PRKCA: variants seen among roughly 807,000 people sequenced by gnomAD.
The protein encoded by PRKCA is protein kinase C alpha type.
Under a neutral mutation model 87.0 loss-of-function variants are expected in PRKCA, and 27 were observed. The ratio of observed to expected loss-of-function variants is 0.31; its 90% CI spans 0.23 to 0.43. The LOEUF (loss-of-function observed/expected upper bound fraction) is 0.43, where lower values mean the gene tolerates loss of function less well. Ranked by LOEUF, PRKCA falls within the 20% of genes least tolerant of loss-of-function variation. The pLI is 1.00. For missense variants in PRKCA, 518 were observed against 852.3 expected (o/e 0.61, Z 4.88); for synonymous variants, 329 against 311.1 (o/e 1.06, Z -0.61).
At chr17:66,764,800 G>A (rs1045436085) in intron 13 of PRKCA, among the ~76,000 whole-genome samples, 1 of 152,182 alleles carries the variant, frequency 6.6e-6, no homozygotes, top group Non-Finnish European at 1.5e-5. Flanking sequence ...GGGGCTTCAG[G>A]ATATCAGGCA....
At chr17:66,683,878 T>C (rs1447790650) in intron 5 of PRKCA, among the ~76,000 whole-genome samples, 2 of 152,086 alleles carry the variant, frequency 1.3e-5, no homozygotes, top group African/African-American at 4.8e-5. Flanking sequence ...GGGATTTGAC[T>C]CCACATCTTG....
intron 3 of PRKCA, among the ~76,000 whole-genome samples, chr17:66,499,106 C>T (rs1183681063): frequency 2.6e-5 from 4 of 151,852 alleles, no homozygotes. Context: ...GCAGGTGTGG[C>T]AGTCAGAAGT....
chr17:66,618,770 G>T (rs1186305657), intron 3 of PRKCA, among the ~76,000 whole-genome samples: 1 of 152,170 alleles, frequency 6.6e-6, no homozygotes, highest in Non-Finnish European at 1.5e-5. Flanking sequence ...GCAGGGTTAG[G>T]CTGGGAACAT....
intron 3 of PRKCA, among the ~76,000 whole-genome samples, chr17:66,527,039 G>C: frequency 6.6e-6 from 1 of 152,190 alleles, no homozygotes; most frequent in East Asian, 1.9e-4. Context: ...GTGTGCAGCT[G>C]CTCAGCCCTG....
intron 16 of PRKCA, among the ~76,000 whole-genome samples, chr17:66,795,077 G>A (rs779486282): frequency 2.0e-4 from 31 of 152,134 alleles, no homozygotes; most frequent in Non-Finnish European, 2.8e-4. Flanking sequence ...CCATTTGAGA[G>A]TAAGTTGCAG....
At chr17:66,615,756 AC>A (rs1204840441) in intron 3 of PRKCA, among the ~76,000 whole-genome samples, 1 of 151,898 alleles carries the variant, frequency 6.6e-6, no homozygotes, top group Non-Finnish European at 1.5e-5. Context: ...GGCAGTCACC[AC>A]CTTGGGCCTG....
intron 3 of PRKCA, among the ~76,000 whole-genome samples, chr17:66,507,908 A>G (rs1917047830): frequency 1.3e-5 from 2 of 152,234 alleles, no homozygotes; most frequent in Admixed American, 1.3e-4. Flanking sequence ...CATTTCCAGC[A>G]GGAGATTTAG....
intron 2 of PRKCA, among the ~76,000 whole-genome samples, chr17:66,407,149 T>C (rs1443228698): frequency 4.6e-5 from 7 of 152,178 alleles, no homozygotes; most frequent in South Asian, 2.1e-4. Context: ...GCCAACCTTT[T>C]TTTTTTTCCC....
At chr17:66,547,247 T>C (rs1399446177) in intron 3 of PRKCA, among the ~76,000 whole-genome samples, 1 of 152,198 alleles carries the variant, frequency 6.6e-6, no homozygotes, top group African/African-American at 2.4e-5. Flanking sequence ...GTTATTTCCC[T>C]TTCAAAACCA....
At chr17:66,777,655 C>G (rs1020513606) in intron 14 of PRKCA, 1 of 985,324 alleles carries the variant, frequency 1.0e-6, no homozygotes, top group South Asian at 4.7e-5. Flanking sequence ...AAAGCCAAGT[C>G]CCCCTCTTGA....
intron 2 of PRKCA, among the ~76,000 whole-genome samples, chr17:66,334,529 C>T (rs1333395047): frequency 6.6e-6 from 1 of 152,170 alleles, no homozygotes; most frequent in East Asian, 1.9e-4. Context: ...TGAGGAGATG[C>T]TCCACGTTAG....
At chr17:66,319,076 C>T (rs780091250) in intron 2 of PRKCA, among the ~76,000 whole-genome samples, 4 of 151,918 alleles carry the variant, frequency 2.6e-5, no homozygotes, top group South Asian at 2.1e-4. Flanking sequence ...TGCAGTGAGC[C>T]GAGATTGTGC....
Position 66,575,373 on chromosome 17 carries a change from G to A in PRKCA, c.289-65982G>A, listed in dbSNP as rs527545911. 3.0e-4 allele frequency among the ~76,000 whole-genome samples: 45 copies of A among 152,304 alleles called. No homozygotes were observed. The South Asian group carries it at 6.8e-3, about 23-fold the overall frequency. Reference sequence around the variant, plus strand: ...GTGGGCGGATCACCTGAGGTCAAGAGTTCTAGACCAGCATGGCCAACATGG... The same window carrying A: ...GTGGGCGGATCACCTGAGGTCAAGAATTCTAGACCAGCATGGCCAACATGG... On this transcript the variant is annotated intron_variant, in intron 3 of 16. Coordinates refer to ENST00000413366, the MANE Select transcript of PRKCA (RefSeq NM_002737.3).
At chr17:66,612,345 C>T (rs1288672789) in intron 3 of PRKCA, among the ~76,000 whole-genome samples, 11 of 142,880 alleles carry the variant, frequency 7.7e-5, no homozygotes, top group South Asian at 2.3e-4. Flanking sequence ...CACACCATTG[C>T]GCTCCAGCCT....
At chr17:66,597,945 C>T (rs1315644966) in intron 3 of PRKCA, among the ~76,000 whole-genome samples, 1 of 54,948 alleles carries the variant, frequency 1.8e-5, no homozygotes, top group African/African-American at 1.3e-4. Flanking sequence ...ATCTATATCT[C>T]TGTTTTGGTA....
At chr17:66,765,454 A>ATC (rs1974789974) in intron 13 of PRKCA, among the ~76,000 whole-genome samples, 8 of 130,088 alleles carry the variant, frequency 6.1e-5, no homozygotes, top group Admixed American at 1.6e-4. Flanking sequence ...ATATATATAT[A>ATC]TCCATATATA....
chr17:66,425,979 T>A (rs888017342), intron 2 of PRKCA, among the ~76,000 whole-genome samples: 1 of 152,098 alleles, frequency 6.6e-6, no homozygotes, highest in Admixed American at 6.5e-5. Flanking sequence ...GCACAGTGAG[T>A]CCCTGTCTGG....
intron 3 of PRKCA, among the ~76,000 whole-genome samples, chr17:66,581,031 G>T (rs148969601): frequency 1.7e-3 from 252 of 152,254 alleles, no homozygotes; most frequent in African/African-American, 5.9e-3. Flanking sequence ...TTACCCATCC[G>T]GGGTCAAACC....
At chr17:66,498,431 A>G (rs1480961509) in intron 3 of PRKCA, among the ~76,000 whole-genome samples, 1 of 152,090 alleles carries the variant, frequency 6.6e-6, no homozygotes, top group Non-Finnish European at 1.5e-5. Flanking sequence ...GAGGATGGGC[A>G]GGCTTCAGGA....
Sources: allele counts gnomAD v4.1 joint callset (sites outside exome capture counted in the v4.1 genomes callset), GRCh38; gene constraint gnomAD v4.1.1; transcripts MANE v1.5; gene names NCBI Gene and HGNC (gene_info 2026-07-23, HGNC 2026-07-21).